The following M6PR variants were observed in gnomAD, a reference collection of about 807,000 sequenced individuals.
M6PR encodes mannose-6-phosphate receptor, cation dependent.
A neutral mutation model predicts 33.1 loss-of-function variants in M6PR; 19 were observed. That is an observed-to-expected ratio of 0.57 (90% confidence interval 0.40 to 0.84). The LOEUF (loss-of-function observed/expected upper bound fraction) is 0.84, where lower values mean the gene tolerates loss of function less well. Among genes scored for constraint, M6PR ranks in the 40% least tolerant of loss-of-function variants. The pLI, the probability that M6PR is intolerant of heterozygous loss-of-function variation, is 0.00. For synonymous variants in M6PR, 111 were observed against 123.4 expected, an observed-to-expected ratio of 0.90 and a Z score of 0.67; for missense variants, 295 against 336.0, an observed-to-expected ratio of 0.88 and a Z score of 0.95.
Position 8,946,417 on chromosome 12 carries a change from AGT to A in M6PR, c.-1-14_-1-13del, listed in dbSNP as rs1946095551. ...AGAAAGGGAACATCCTTTGGGAGAGAGTGTGTGTTGGGGAGGGCAGGTAGGAT... is the reference window on the plus strand; with the variant it reads ...AGAAAGGGAACATCCTTTGGGAGAGAGTGTGTTGGGGAGGGCAGGTAGGAT... On this transcript the variant is annotated splice_polypyrimidine_tract_variant and intron_variant, in intron 1 of 6. Coordinates refer to ENST00000000412, the MANE Select transcript of M6PR (RefSeq NM_002355.4). 6.2e-7 allele frequency: 1 copy of A among 1,612,998 alleles called. No individual in the cohort carries two copies.
At position 8,941,663 on chromosome 12, in the gene M6PR, T is replaced by G; in HGVS notation, c.*155A>C. On this transcript the variant is annotated 3_prime_UTR_variant, in exon 7 of 7. Transcript: ENST00000000412. ...AAATAAGGAACAAAGGGAAGGCAGT[T>G]TTACTAGTGAGAAGATGCAAATCAA... 1 of 865,114 alleles carries G rather than the reference T, an allele frequency of 1.2e-6. No individual in the cohort carries two copies. Among genetic ancestry groups the G allele is most frequent in the South Asian group, 1.7e-5 (1 of 58,612 alleles). 53.6% of individuals were successfully genotyped at this position (865,114 alleles called of 1,614,324 possible).
At chr12:8,942,784 A>G (rs1163079549) in intron 5 of M6PR, among the ~76,000 whole-genome samples, 1 of 152,194 alleles carries the variant, frequency 6.6e-6, no homozygotes, top group Admixed American at 6.5e-5. Flanking sequence ...ATGGCCAAGA[A>G]TAATCACCAT....
At position 8,941,671 on chromosome 12, in the gene M6PR, T is replaced by G; in HGVS notation, c.*147A>C. ...AACAAAGGGAAGGCAGTTTTACTAG[T>G]GAGAAGATGCAAATCAAAAGCAAAC... is the stretch of plus-strand genomic sequence containing the variant. On this transcript the variant is annotated 3_prime_UTR_variant, in exon 7 of 7. Coordinates refer to ENST00000000412, the MANE Select transcript of M6PR (RefSeq NM_002355.4). 1 of 932,706 alleles carries G rather than the reference T, an allele frequency of 1.1e-6. No individual in the cohort carries two copies. Among genetic ancestry groups the G allele is most frequent in the Non-Finnish European group, 1.7e-6 (1 of 603,656 alleles). The allele number at this position is 932,706 out of a possible 1,614,324, so 57.8% of individuals were successfully genotyped here.
rs778326244 is a variant in M6PR, at chr12:8,941,191, A to T, written c.*627T>A. 1.9e-3 allele frequency: 317 copies of T among 168,062 alleles called. No individual in the cohort carries two copies. Among genetic ancestry groups the T allele is most frequent in the Non-Finnish European group, 3.4e-3 (263 of 77,474 alleles). 10.4% of individuals were successfully genotyped at this position (168,062 alleles called of 1,614,324 possible). On this transcript the variant is annotated 3_prime_UTR_variant, in exon 7 of 7. Transcript: ENST00000000412. ...CAATTTCCACAAATGATGTGATGGT[A>T]CCGTATAATCCTGTAATTGGGAAAT... is the stretch of plus-strand genomic sequence containing the variant.
chr12:8,942,114 TTTC>T (rs753566383), intron 6 of M6PR, 174 bp from the exon 7 acceptor site: 15 of 784,336 alleles, frequency 1.9e-5, no homozygotes, highest in African/African-American at 7.0e-5. Flanking sequence ...GGAGAAAAAG[TTTC>T]TTCTTATTAG....
chr12:8,943,388 A>C lies in M6PR; in HGVS notation c.584+17T>G, dbSNP rs766601778. The C allele has an allele frequency of 1.0e-4, 165 of 1,613,930 alleles. No homozygotes were observed. The highest frequency in any genetic ancestry group is 1.4e-4 in the Non-Finnish European group (164 of 1,179,924). On this transcript the variant is annotated intron_variant, in intron 5 of 6. Coordinates refer to ENST00000000412, the MANE Select transcript of M6PR (RefSeq NM_002355.4). Reference sequence around the variant, plus strand: ...AAAGGAAGGAAGGTCTGTTCTGATAAAGGAAGGCATACTCACGTGACAAGT... The same window carrying C: ...AAAGGAAGGAAGGTCTGTTCTGATACAGGAAGGCATACTCACGTGACAAGT...
rs1348618980 is a variant in M6PR, at chr12:8,943,801, C to T, written c.453G>A (p.Ala151=). 3.7e-6 allele frequency: 6 copies of T among 1,612,188 alleles called. No individual in the cohort carries two copies. The highest frequency in any genetic ancestry group is 2.2e-5 in the East Asian group (1 of 44,878). ...VMISCNRHTL[A]DNFNPVSEER... ...GCTTATACAACACAGGGTGCCTCAC[C>T]GCTAGGGTGTGTCGATTGCAGGAGA... The change falls in exon 4 of 7, where the codon GCG becomes GCA. Residue 151 remains alanine (A), a splice_region_variant and synonymous_variant. Transcript: ENST00000000412.
chr12:8,945,371 CTT>C (rs1565530298), intron 3 of M6PR, 45 bp downstream of exon 3: 1 of 1,602,760 alleles, frequency 6.2e-7, no homozygotes, highest in African/African-American at 1.3e-5. Context: ...GAGGGATTGA[CTT>C]GGGATCAGTT....
chr12:8,943,652 G>A lies in M6PR; in HGVS notation c.454-117C>T. The A allele has an allele frequency of 2.1e-6, 3 of 1,410,574 alleles. No individual in the cohort carries two copies. In the South Asian group the frequency reaches 3.5e-5, roughly 16 times the overall value. The allele number at this position is 1,410,574 out of a possible 1,614,324, so 87.4% of individuals were successfully genotyped here. On this transcript the variant is annotated intron_variant, in intron 4 of 6. Coordinates refer to ENST00000000412, the MANE Select transcript of M6PR (RefSeq NM_002355.4). ...CTGGTTCAGCAGCCTATTTTCCATGGAAGATGCGTGTCTGACACAGAGAGA... is the reference window on the plus strand; with the variant it reads ...CTGGTTCAGCAGCCTATTTTCCATGAAAGATGCGTGTCTGACACAGAGAGA...
At position 8,949,478 on chromosome 12, in the gene M6PR, TCA is replaced by T. The variant is rs1348315493; in HGVS notation, c.-2+8_-2+9del. On this transcript the variant is annotated splice_region_variant and intron_variant, in intron 1 of 6. Transcript: ENST00000000412. The surrounding 1 kb of genome is among the most constrained non-coding windows in gnomAD (Gnocchi z 5.6). ...CAGCCCGCCTCCTCCTCCACGCCCC[TCA>T]CACTCACGTGTCGTGGGAAACTGGA... is the stretch of plus-strand genomic sequence containing the variant. The T allele has an allele frequency of 6.6e-6, 1 of 152,194 alleles. No individual in the cohort carries two copies. Among genetic ancestry groups the T allele is most frequent in the East Asian group, 2.0e-4 (1 of 5,120 alleles). 9.4% of individuals were successfully genotyped at this position (152,194 alleles called of 1,614,324 possible).
chr12:8,947,128 TCA>T (rs1247441238), intron 1 of M6PR, among the ~76,000 whole-genome samples: 1 of 152,198 alleles, frequency 6.6e-6, no homozygotes, highest in Non-Finnish European at 1.5e-5. Context: ...TCCAAGAGTA[TCA>T]CGGACAATTT....
Position 8,943,825 on chromosome 12 carries a change from G to C in M6PR, c.429C>G (p.Ile143Met), listed in dbSNP as rs1362625947. The C allele has an allele frequency of 3.4e-5, 55 of 1,612,958 alleles. No homozygotes were observed. Among genetic ancestry groups the C allele is most frequent in the Non-Finnish European group, 4.7e-5 (55 of 1,179,968 alleles). The change falls in exon 4 of 7, where the codon ATC becomes ATG. Residue 143 changes from isoleucine to methionine, a missense_variant. By Grantham distance (10) the Ile-to-Met change is conservative (BLOSUM62 1). Transcript: ENST00000000412. ...GKEQRRAVVM[I>M]SCNRHTLADN... Reference sequence around the variant, plus strand: ...CCGCTAGGGTGTGTCGATTGCAGGAGATCATCACCACTGCACGACGCTGCT... The same window carrying C: ...CCGCTAGGGTGTGTCGATTGCAGGACATCATCACCACTGCACGACGCTGCT...
rs1842854960 is a variant in M6PR at position 8,949,193 on chromosome 12, A to G, written c.-2+295T>C. ...TGATGCAGGCCAAAATTCCTCCTAC[A>G]AATAAATCCACCAACACCTCCAACG... On this transcript the variant is annotated intron_variant, in intron 1 of 6. Transcript: ENST00000000412. This position sits in a 1 kb window ranked among gnomAD's most constrained non-coding sequence, Gnocchi z 5.6. Among the ~76,000 whole-genome samples, 1 of 152,018 alleles carries G rather than the reference A, an allele frequency of 6.6e-6. No homozygotes were observed. Among genetic ancestry groups the G allele is most frequent in the African/African-American group, 2.4e-5 (1 of 41,360 alleles).
At chr12:8,946,428 G>A (rs753568257) in intron 1 of M6PR, 23 bp from the exon 2 acceptor site, 1 of 1,604,284 alleles carries the variant, frequency 6.2e-7, no homozygotes, top group Non-Finnish European at 8.5e-7. Flanking sequence ...GTGTGTGTTG[G>A]GGAGGGCAGG....
chr12:8,942,508 C>A lies in M6PR; in HGVS notation c.619G>T (p.Gly207Trp). 1 of 1,614,104 alleles carries A rather than the reference C, an allele frequency of 6.2e-7. No homozygotes were observed. Among genetic ancestry groups the A allele is most frequent in the Non-Finnish European group, 8.5e-7 (1 of 1,179,992 alleles). ...ACTACCAGTCGCTGGTATAGGAACC[C>A]CCCAACAACATAAACAGCAACCAGT... ...ASLVAVYVVGGFLYQRLVVGA... is the reference protein window; with the variant it reads ...ASLVAVYVVGWFLYQRLVVGA... Residue 207 changes from glycine (G) to tryptophan (W), a missense_variant, in exon 6 of 7, where the codon GGG becomes TGG. By Grantham distance (184) the Gly-to-Trp change is radical (BLOSUM62 -2). Coordinates refer to ENST00000000412, the MANE Select transcript of M6PR (RefSeq NM_002355.4).
intron 1 of M6PR, among the ~76,000 whole-genome samples, chr12:8,948,786 G>A (rs1946144868): frequency 6.6e-6 from 1 of 152,186 alleles, no homozygotes; most frequent in Non-Finnish European, 1.5e-5. Context: ...TTCCCCATCT[G>A]TTAAGACAGC....
At chr12:8,946,461 G>GAGTC in intron 1 of M6PR, 56 bp from the exon 2 acceptor site, 1 of 1,371,770 alleles carries the variant, frequency 7.3e-7, no homozygotes, top group South Asian at 1.2e-5. Context: ...AGAGAGGAAA[G>GAGTC]AGATAAAGCG....
Position 8,948,626 on chromosome 12 carries a change from A to G in M6PR, c.-2+862T>C, listed in dbSNP as rs759105339. Among the ~76,000 whole-genome samples, 18 of 152,340 alleles carry G rather than the reference A, an allele frequency of 1.2e-4. No individual in the cohort carries two copies. In the South Asian group the frequency reaches 3.7e-3, roughly 32 times the overall value. ...CTTTGGAAATAAGGAGCAGGATTTT[A>G]TGATCTTGAAAAATCTTTCAGTTTT... On this transcript the variant is annotated intron_variant, in intron 1 of 6. Transcript: ENST00000000412.
In M6PR at chr12:8,941,858, T is replaced by A; in HGVS notation, c.794A>T (p.Glu265Val). 2 of 1,613,858 alleles carry A rather than the reference T, an allele frequency of 1.2e-6. No individual in the cohort carries two copies. Among genetic ancestry groups the A allele is most frequent in the Non-Finnish European group, 1.7e-6 (2 of 1,179,964 alleles). ...ATGGTCATCCCTTTCTTCTGACTCC[T>A]CCCCCAGCTGGTCATCCCCCACACC... Reference protein sequence around the residue: ...YRGVGDDQLGEESEERDDHLL... With the variant: ...YRGVGDDQLGVESEERDDHLL... Residue 265 changes from glutamate to valine, a missense_variant, in exon 7 of 7, where the codon GAG becomes GTG. By Grantham distance (121) the Glu-to-Val change is moderately radical. Transcript: ENST00000000412.
Sources: allele counts gnomAD v4.1 joint callset (sites outside exome capture counted in the v4.1 genomes callset), GRCh38; gene constraint gnomAD v4.1.1; non-coding constraint Gnocchi (gnomAD v3.1); transcripts MANE v1.5; gene names NCBI Gene and HGNC (gene_info 2026-07-23, HGNC 2026-07-21).